Variants in ZFPM2 observed in about 807,000 individuals in gnomAD.
ZFPM2 encodes zinc finger protein, FOG family member 2.
Under a neutral mutation model 98.6 loss-of-function variants are expected in ZFPM2, and 20 were observed. That is an observed-to-expected ratio of 0.20 (90% CI 0.14 to 0.29). The LOEUF (loss-of-function observed/expected upper bound fraction) is 0.29. Ranked by LOEUF, ZFPM2 falls within the 10% of genes least tolerant of loss-of-function variation. ZFPM2 has a pLI of 1.00. For synonymous variants in ZFPM2, 518 were observed against 502.7 expected (o/e 1.03, Z -0.41); for missense variants, 1,310 against 1,388.6 (o/e 0.94, Z 0.90).
At chr8:105,667,590 A>G (rs1205108509) in intron 5 of ZFPM2, among the ~76,000 whole-genome samples, 1 of 152,210 alleles carries the variant, frequency 6.6e-6, no homozygotes, top group Non-Finnish European at 1.5e-5. Context: ...CTGAAGGGCT[A>G]TTAAAGTACT....
chr8:105,624,015 A>C (rs578208472), intron 4 of ZFPM2, among the ~76,000 whole-genome samples: 1 of 152,208 alleles, frequency 6.6e-6, no homozygotes, highest in Non-Finnish European at 1.5e-5. Context: ...TTTGAGTGAG[A>C]TTTGATGGGA....
intron 5 of ZFPM2, among the ~76,000 whole-genome samples, chr8:105,662,176 CACAT>C (rs1401667401): frequency 6.6e-6 from 1 of 152,098 alleles, no homozygotes; most frequent in Admixed American, 6.6e-5. Flanking sequence ...CTGAGACTGA[CACAT>C]ACACCCACTG....
At chr8:105,784,337 G>A (rs1813349113) in intron 5 of ZFPM2, among the ~76,000 whole-genome samples, 1 of 128,404 alleles carries the variant, frequency 7.8e-6, no homozygotes, top group African/African-American at 5.0e-5. Context: ...GTCCACAATA[G>A]TTGGTGATCC....
At chr8:105,382,815 T>G (rs1352301334) in intron 1 of ZFPM2, among the ~76,000 whole-genome samples, 1 of 152,132 alleles carries the variant, frequency 6.6e-6, no homozygotes, top group Non-Finnish European at 1.5e-5. Flanking sequence ...GAAATAATTA[T>G]GGGACTTCAA....
intron 3 of ZFPM2, among the ~76,000 whole-genome samples, chr8:105,495,495 G>A (rs936047427): frequency 1.3e-5 from 2 of 151,248 alleles, no homozygotes. Flanking sequence ...TATTTGACAT[G>A]TTTCTTAACC....
intron 5 of ZFPM2, among the ~76,000 whole-genome samples, chr8:105,676,174 G>T (rs565669689): frequency 6.6e-6 from 1 of 152,248 alleles, no homozygotes; most frequent in East Asian, 1.9e-4. Context: ...ATGGTCCTTT[G>T]TTCAACAAGC....
intron 1 of ZFPM2, among the ~76,000 whole-genome samples, chr8:105,350,642 G>C (rs779352826): frequency 5.3e-5 from 8 of 152,050 alleles, no homozygotes; most frequent in Non-Finnish European, 8.8e-5. Flanking sequence ...TTTGGTGGGG[G>C]ACACTGAGGA....
At chr8:105,454,746 C>T (rs1022957001) in intron 3 of ZFPM2, among the ~76,000 whole-genome samples, 1 of 152,110 alleles carries the variant, frequency 6.6e-6, no homozygotes, top group Non-Finnish European at 1.5e-5. Flanking sequence ...TTTGGTTAGC[C>T]TAAATACTGT....
intron 4 of ZFPM2, among the ~76,000 whole-genome samples, chr8:105,589,814 C>T (rs370897872): frequency 4.6e-5 from 7 of 152,200 alleles, no homozygotes; most frequent in South Asian, 2.1e-4. Context: ...CAACTCCCCC[C>T]GGGTTCAAGC....
At chr8:105,523,784 A>G (rs1342249500) in intron 3 of ZFPM2, among the ~76,000 whole-genome samples, 2 of 152,142 alleles carry the variant, frequency 1.3e-5, no homozygotes, top group Non-Finnish European at 2.9e-5. Context: ...AAATTGTTTG[A>G]CATGTTAGGA....
intron 1 of ZFPM2, among the ~76,000 whole-genome samples, chr8:105,357,383 T>A (rs575943625): frequency 6.6e-6 from 1 of 152,350 alleles, no homozygotes; most frequent in Non-Finnish European, 1.5e-5. Context: ...ATGTAAGCAT[T>A]TTAAGGACAC....
At chr8:105,565,567 G>GC (rs1563722346) in intron 4 of ZFPM2, among the ~76,000 whole-genome samples, 8 of 152,096 alleles carry the variant, frequency 5.3e-5, no homozygotes, top group Non-Finnish European at 7.3e-5. Context: ...GGTCAACTCA[G>GC]TCTGATTCCA....
chr8:105,379,411 T>C (rs1239077038), intron 1 of ZFPM2, among the ~76,000 whole-genome samples: 1 of 152,178 alleles, frequency 6.6e-6, no homozygotes, highest in Non-Finnish European at 1.5e-5. Flanking sequence ...AGAGGAAATA[T>C]TTACAACTCA....
intron 5 of ZFPM2, among the ~76,000 whole-genome samples, chr8:105,639,680 G>T (rs1042991066): frequency 3.3e-5 from 5 of 152,026 alleles, no homozygotes; most frequent in Non-Finnish European, 7.4e-5. Flanking sequence ...TCAATATTAT[G>T]TTGCTGATTA....
chr8:105,588,244 A>T (rs1367034274), intron 4 of ZFPM2, among the ~76,000 whole-genome samples: 1 of 152,208 alleles, frequency 6.6e-6, no homozygotes, highest in Non-Finnish European at 1.5e-5. Flanking sequence ...TATCGGGCAG[A>T]GACATGGATT....
At chr8:105,570,933 T>C (rs1451307808) in intron 4 of ZFPM2, among the ~76,000 whole-genome samples, 1 of 152,218 alleles carries the variant, frequency 6.6e-6, no homozygotes, top group Non-Finnish European at 1.5e-5. Flanking sequence ...ATTGTTCCCT[T>C]TTCCCAGAAC....
chr8:105,422,106 A>G (rs544722726), intron 2 of ZFPM2, among the ~76,000 whole-genome samples: 1 of 151,154 alleles, frequency 6.6e-6, no homozygotes, highest in Non-Finnish European at 1.5e-5. Context: ...TGCCAGTGTC[A>G]TTACTGGAAA....
intron 4 of ZFPM2, among the ~76,000 whole-genome samples, chr8:105,624,466 G>A (rs1251437882): frequency 6.6e-6 from 1 of 152,054 alleles, no homozygotes; most frequent in African/African-American, 2.4e-5. Context: ...GTTGGCAAAA[G>A]GGAAAGAGAA....
chr8:105,669,952 A>G (rs575246003), intron 5 of ZFPM2: 51 of 152,304 alleles, frequency 3.3e-4, no homozygotes, highest in African/African-American at 1.0e-3. Context: ...GAGAGCATGC[A>G]AGCCTGTGTA....
Sources: allele counts gnomAD v4.1 joint callset (sites outside exome capture counted in the v4.1 genomes callset), GRCh38; gene constraint gnomAD v4.1.1; transcripts MANE v1.5; gene names NCBI Gene and HGNC (gene_info 2026-07-23, HGNC 2026-07-21).